TRIM42: variants seen among roughly 807,000 people sequenced by gnomAD.
TRIM42 encodes the protein tripartite motif containing 42, also known as tripartite motif-containing protein 42.
TRIM42 carries 59 observed loss-of-function variants against 64.9 expected under a neutral mutation model. That is an observed-to-expected ratio of 0.91 (90% confidence interval 0.74 to 1.13). TRIM42 has a LOEUF of 1.13. TRIM42 is among the 50% of genes most tolerant of loss of function. The pLI, the probability that TRIM42 is intolerant of heterozygous loss-of-function variation, is 0.00. For synonymous variants in TRIM42, 354 were observed against 346.3 expected (o/e 1.02, Z -0.25); for missense variants, 878 against 929.5 (o/e 0.94, Z 0.72).
intron 3 of TRIM42, 137 bp from the exon 4 acceptor site, chr3:140,690,831 T>G (rs188835880): frequency 7.0e-4 from 462 of 659,408 alleles, no homozygotes; most frequent in Non-Finnish European, 1.1e-3. Flanking sequence ...ATGGTCTAAT[T>G]AAAAGTCTTC....
chr3:140,678,125 C>T lies in TRIM42; in HGVS notation c.-105C>T, dbSNP rs539777169. The T allele has an allele frequency of 4.2e-5, 45 of 1,081,868 alleles. No individual in the cohort carries two copies. In the East Asian group the frequency reaches 1.1e-3, roughly 26 times the overall value. 67.0% of individuals were successfully genotyped at this position (1,081,868 alleles called of 1,614,324 possible). Reference sequence around the variant, plus strand: ...TTCTTGCAACTTTCAAGCTGACGGCCTCAGGAATGGGAGGAAGGACTCCTC... The same window carrying T: ...TTCTTGCAACTTTCAAGCTGACGGCTTCAGGAATGGGAGGAAGGACTCCTC... On this transcript the variant is annotated 5_prime_UTR_variant, in exon 1 of 5. Coordinates refer to ENST00000286349, the MANE Select transcript of TRIM42 (RefSeq NM_152616.5).
chr3:140,680,518 T>C (rs1559934745), intron 1 of TRIM42: 2 of 190,410 alleles, frequency 1.1e-5, no homozygotes, highest in East Asian at 3.7e-4. Context: ...TGCTAGTTCA[T>C]GAGCTTCCTA....
In TRIM42 at chr3:140,682,711, GC is replaced by G. The variant is rs777820770; in HGVS notation, c.594del (p.Tyr199ThrfsTer157). The G allele has an allele frequency of 1.2e-6, 2 of 1,612,520 alleles. No homozygotes were observed. Among genetic ancestry groups the G allele is most frequent in the African/African-American group, 2.7e-5 (2 of 74,896 alleles). ...CPVCDRSHCMPYSNKMQLPEN... is the reference protein window; with the variant it reads ...CPVCDRSHCMXYSNKMQLPEN... ...CAGTGTGCGACCGCTCGCACTGCAT[GC>G]CCTACAGCAACAAGATGCAGCTGCC... On this transcript the variant is annotated frameshift_variant, in exon 2 of 5. Transcript: ENST00000286349. LOFTEE classifies it high-confidence loss of function.
intron 3 of TRIM42, 139 bp downstream of exon 3, chr3:140,688,681 G>A (rs1988630782): frequency 6.1e-6 from 4 of 653,044 alleles, no homozygotes; most frequent in Non-Finnish European, 1.0e-5. Flanking sequence ...GACTCTTTGT[G>A]GTCATCCCAT....
rs1238710480 is a variant in TRIM42, at chr3:140,687,733, A to G, written c.1051A>G (p.Ile351Val). ...IAKFKAVRYE[I>V]DNDLMEFNIL... is the part of the protein sequence containing the mutation. Reference sequence around the variant, plus strand: ...TGGCATTTTTGCAGTCCGATATGAAATTGATAATGACCTAATGGAATTCAA... The same window carrying G: ...TGGCATTTTTGCAGTCCGATATGAAGTTGATAATGACCTAATGGAATTCAA... The change falls in exon 3 of 5, where the codon ATT becomes GTT. Residue 351 changes from isoleucine to valine, a missense_variant. Physicochemically the swap from Ile to Val is conservative, Grantham distance 29 (BLOSUM62 3). Transcript: ENST00000286349. 1.2e-6 allele frequency: 2 copies of G among 1,602,994 alleles called. No individual in the cohort carries two copies. The highest frequency in any genetic ancestry group is 1.7e-6 in the Non-Finnish European group (2 of 1,175,454).
intron 4 of TRIM42, among the ~76,000 whole-genome samples, chr3:140,700,653 G>C (rs780196241): frequency 2.6e-5 from 4 of 152,224 alleles, no homozygotes; most frequent in Non-Finnish European, 5.9e-5. Flanking sequence ...CTAAAGGGAA[G>C]TAGGATCTGG....
chr3:140,687,075 G>A (rs78599852), intron 2 of TRIM42, among the ~76,000 whole-genome samples: 1,973 of 152,240 alleles, frequency 0.013, 16 homozygotes, highest in Non-Finnish European at 0.021. Context: ...AGGGGACACA[G>A]GGTAAACTGG....
intron 3 of TRIM42, 88 bp from the exon 4 acceptor site, chr3:140,690,880 A>C: frequency 8.9e-7 from 1 of 1,122,624 alleles, no homozygotes; most frequent in Non-Finnish European, 1.3e-6. Flanking sequence ...AACTCACCCC[A>C]CAGATAGTCA....
At chr3:140,680,697 C>T in intron 1 of TRIM42, 1 of 985,386 alleles carries the variant, frequency 1.0e-6, no homozygotes, top group African/African-American at 1.7e-5. Flanking sequence ...TCTGGGAAAG[C>T]AGAGAGGAAA....
intron 1 of TRIM42, among the ~76,000 whole-genome samples, chr3:140,679,729 T>A (rs1268078891): frequency 3.3e-5 from 5 of 152,062 alleles, no homozygotes; most frequent in Non-Finnish European, 7.4e-5. Flanking sequence ...TGTTCAGTTG[T>A]GCAACAGCAA....
In TRIM42 at chr3:140,698,142, C is replaced by T. The variant is rs146914307; in HGVS notation, c.2086-2746C>T. 2.0e-4 allele frequency among the ~76,000 whole-genome samples: 31 copies of T among 152,238 alleles called. No homozygotes were observed. The East Asian group carries it at 3.3e-3, about 16-fold the overall frequency. ...TCTGCCATGTCTTTATGAACTGCTACGGTAAGTATGCCCATTATCCTTCTT... is the reference window on the plus strand; with the variant it reads ...TCTGCCATGTCTTTATGAACTGCTATGGTAAGTATGCCCATTATCCTTCTT... On this transcript the variant is annotated intron_variant, in intron 4 of 4. Transcript: ENST00000286349.
chr3:140,689,398 G>C (rs1034638121), intron 3 of TRIM42, among the ~76,000 whole-genome samples: 7 of 152,138 alleles, frequency 4.6e-5, no homozygotes, highest in Non-Finnish European at 1.0e-4. Flanking sequence ...CCCATAATCT[G>C]AGAACACTCC....
chr3:140,683,229 A>C (rs949311434), intron 2 of TRIM42, 70 bp downstream of exon 2: 1 of 1,519,970 alleles, frequency 6.6e-7, no homozygotes, highest in African/African-American at 1.4e-5. Context: ...GGCGTGGGGT[A>C]ATCTGTTAAG....
intron 3 of TRIM42, among the ~76,000 whole-genome samples, chr3:140,689,220 T>G (rs574983884): frequency 1.3e-5 from 2 of 152,220 alleles, no homozygotes; most frequent in Non-Finnish European, 2.9e-5. Context: ...CTTTCAAATC[T>G]AGCTGAACCC....
chr3:140,688,119 T>C lies in TRIM42; in HGVS notation c.1437T>C (p.Phe479=), dbSNP rs774457783. ...LHSINYVPLD[F]VELSSAIHEL... Reference sequence around the variant, plus strand: ...CAATAAACTACGTGCCCTTGGACTTTGTTGAGCTTTCCAGTGCCATCCATG... The same window carrying C: ...CAATAAACTACGTGCCCTTGGACTTCGTTGAGCTTTCCAGTGCCATCCATG... The change falls in exon 3 of 5, where the codon TTT becomes TTC. Residue 479 remains phenylalanine (F), a synonymous_variant. Transcript: ENST00000286349. The C allele has an allele frequency of 5.6e-6, 9 of 1,614,002 alleles. No individual in the cohort carries two copies. The South Asian group carries it at 7.7e-5, about 14-fold the overall frequency.
chr3:140,690,533 A>ATG (rs1988677824), intron 3 of TRIM42, among the ~76,000 whole-genome samples: 5 of 52 alleles, frequency 0.096, no homozygotes, highest in African/African-American at 0.17. Flanking sequence ...GTTTTTATGT[A>ATG]TATATATATA....
chr3:140,698,683 C>T (rs1269332403), intron 4 of TRIM42, among the ~76,000 whole-genome samples: 4 of 152,078 alleles, frequency 2.6e-5, no homozygotes, highest in African/African-American at 9.7e-5. Flanking sequence ...TAATAGATTA[C>T]TGGTTTAGAA....
rs1228780158 is a variant in TRIM42 at position 140,678,627 on chromosome 3, T to A, written c.341+57T>A. 5 of 1,455,580 alleles carry A rather than the reference T, an allele frequency of 3.4e-6. No homozygotes were observed. The African/African-American group carries it at 7.0e-5, about 20-fold the overall frequency. The allele number at this position is 1,455,580 out of a possible 1,614,324, so 90.2% of individuals were successfully genotyped here. ...TTGGGTCATGAAAACTAGGGACCACTTGCCAGCTGTGAAGTCTACAGGGCA... is the reference window on the plus strand; with the variant it reads ...TTGGGTCATGAAAACTAGGGACCACATGCCAGCTGTGAAGTCTACAGGGCA... On this transcript the variant is annotated intron_variant, in intron 1 of 4. Transcript: ENST00000286349.
chr3:140,699,675 G>A (rs1344575302), intron 4 of TRIM42, among the ~76,000 whole-genome samples: 1 of 152,076 alleles, frequency 6.6e-6, no homozygotes. Flanking sequence ...TCGTAACACC[G>A]TTCCATCTTC....
Sources: allele counts gnomAD v4.1 joint callset (sites outside exome capture counted in the v4.1 genomes callset), GRCh38; gene constraint gnomAD v4.1.1; transcripts MANE v1.5; gene names NCBI Gene and HGNC (gene_info 2026-07-23, HGNC 2026-07-21).